FCHO2: variants seen among roughly 807,000 people sequenced by gnomAD.
The protein encoded by FCHO2 is FCH and mu domain containing endocytic adaptor 2, also known as F-BAR domain only protein 2.
Under a neutral mutation model 114.1 loss-of-function variants are expected in FCHO2, and 43 were observed. The observed-to-expected ratio is 0.38, with a 90% CI of 0.30 to 0.49. FCHO2 has a LOEUF of 0.49. FCHO2 is among the 20% of genes least tolerant of loss of function. FCHO2 has a pLI of 0.97. For missense variants in FCHO2, 807 were observed against 950.4 expected, an observed-to-expected ratio of 0.85 and a Z score of 1.98; for synonymous variants, 293 against 315.2, an observed-to-expected ratio of 0.93 and a Z score of 0.75.
intron 18 of FCHO2, among the ~76,000 whole-genome samples, chr5:73,065,178 G>A (rs1758005739): frequency 1.3e-5 from 2 of 151,992 alleles, no homozygotes; most frequent in African/African-American, 4.8e-5. Context: ...GGTACAAGCT[G>A]CCAAGGAGAA....
At chr5:72,977,274 C>G (rs1469536376) in intron 2 of FCHO2, among the ~76,000 whole-genome samples, 1 of 152,186 alleles carries the variant, frequency 6.6e-6, no homozygotes, top group East Asian at 1.9e-4. Context: ...TCTCCACATT[C>G]TCTCCAGCAT....
intron 8 of FCHO2, among the ~76,000 whole-genome samples, chr5:73,028,539 A>G (rs1301756282): frequency 6.6e-6 from 1 of 152,182 alleles, no homozygotes; most frequent in Non-Finnish European, 1.5e-5. Context: ...CTACTCAACA[A>G]TAAAAATTAA....
At chr5:73,063,093 A>C (rs2112862008) in intron 17 of FCHO2, among the ~76,000 whole-genome samples, 1 of 152,090 alleles carries the variant, frequency 6.6e-6, no homozygotes, top group South Asian at 2.1e-4. Flanking sequence ...TCCTTCTTTG[A>C]TTATGCTAAT....
At chr5:73,043,370 A>C (rs1053492102) in intron 11 of FCHO2, among the ~76,000 whole-genome samples, 1 of 152,108 alleles carries the variant, frequency 6.6e-6, no homozygotes, top group African/African-American at 2.4e-5. Flanking sequence ...CTAGGAATTT[A>C]CTGTTACAGT....
At chr5:72,964,356 C>G (rs1046234239) in intron 1 of FCHO2, among the ~76,000 whole-genome samples, 1 of 152,112 alleles carries the variant, frequency 6.6e-6, no homozygotes, top group Non-Finnish European at 1.5e-5. Context: ...TGCATCAAAT[C>G]GTTCTGACTG....
At chr5:73,022,112 G>T (rs1007512553) in intron 8 of FCHO2, among the ~76,000 whole-genome samples, 1 of 152,230 alleles carries the variant, frequency 6.6e-6, no homozygotes, top group Admixed American at 6.5e-5. Flanking sequence ...AATTAGACTA[G>T]AACTAAGTGT....
At chr5:72,993,172 A>G (rs1346131153) in intron 5 of FCHO2, among the ~76,000 whole-genome samples, 3 of 152,108 alleles carry the variant, frequency 2.0e-5, no homozygotes, top group Non-Finnish European at 4.4e-5. Context: ...AAAGAAGATT[A>G]AGAAATTAAA....
chr5:73,037,289 A>G (rs990004860), intron 10 of FCHO2, 74 bp downstream of exon 10: 9 of 1,144,440 alleles, frequency 7.9e-6, no homozygotes, highest in Non-Finnish European at 1.1e-5. Flanking sequence ...TGAATTTGGA[A>G]AGAAAAAAGT....
chr5:73,035,617 C>G (rs1434501651), intron 9 of FCHO2, among the ~76,000 whole-genome samples: 1 of 151,928 alleles, frequency 6.6e-6, no homozygotes, highest in African/African-American at 2.4e-5. Context: ...ATCCTTGCAC[C>G]TCAGCCCCAA....
chr5:72,966,675 A>C (rs759312098), intron 1 of FCHO2, among the ~76,000 whole-genome samples: 2 of 152,254 alleles, frequency 1.3e-5, no homozygotes, highest in Non-Finnish European at 2.9e-5. Context: ...ATCAGGAATC[A>C]CTTCAACATA....
At chr5:73,024,226 AT>A (rs1220388076) in intron 8 of FCHO2, among the ~76,000 whole-genome samples, 1 of 151,946 alleles carries the variant, frequency 6.6e-6, no homozygotes, top group Non-Finnish European at 1.5e-5. Flanking sequence ...CACCCCACTG[AT>A]TTTTAAAAAT....
At chr5:73,032,876 C>T (rs1756308585) in intron 8 of FCHO2, among the ~76,000 whole-genome samples, 1 of 152,052 alleles carries the variant, frequency 6.6e-6, no homozygotes, top group African/African-American at 2.4e-5. Context: ...ATTATATTTT[C>T]TCAAGCTTTA....
At chr5:73,010,532 C>G (rs1376953381) in intron 6 of FCHO2, among the ~76,000 whole-genome samples, 4 of 152,166 alleles carry the variant, frequency 2.6e-5, no homozygotes, top group Admixed American at 6.5e-5. Flanking sequence ...CAGGGATACA[C>G]TTTAAGAAAT....
chr5:73,020,624 G>A (rs1336179400), intron 8 of FCHO2: 4 of 779,384 alleles, frequency 5.1e-6, no homozygotes, highest in Non-Finnish European at 9.1e-6. Flanking sequence ...TGGAGGTGGG[G>A]TTGGTAGAAG....
At chr5:72,974,866 G>A (rs190533048) in intron 2 of FCHO2, among the ~76,000 whole-genome samples, 3 of 152,188 alleles carry the variant, frequency 2.0e-5, no homozygotes, top group Non-Finnish European at 4.4e-5. Flanking sequence ...CATGTTTAGC[G>A]CTTCCTTCGG....
At chr5:72,982,105 G>A (rs570929175) in intron 2 of FCHO2, among the ~76,000 whole-genome samples, 1 of 152,234 alleles carries the variant, frequency 6.6e-6, no homozygotes, top group East Asian at 1.9e-4. Flanking sequence ...GTAGTATCTG[G>A]GCTGGAATGC....
intron 1 of FCHO2, among the ~76,000 whole-genome samples, chr5:72,966,640 A>G (rs1752219892): frequency 6.6e-6 from 1 of 152,248 alleles, no homozygotes; most frequent in African/African-American, 2.4e-5. Flanking sequence ...CAAAGTAATT[A>G]CTAGCTACAT....
In FCHO2 at chr5:73,056,776, A is replaced by T. The variant is rs539408016; in HGVS notation, c.1253+669A>T. Among the ~76,000 whole-genome samples the T allele has an allele frequency of 2.6e-5, 4 of 152,104 alleles. No individual in the cohort carries two copies. The South Asian group carries it at 8.3e-4, about 32-fold the overall frequency. On this transcript the variant is annotated intron_variant, in intron 16 of 25. Transcript: ENST00000430046. Reference sequence around the variant, plus strand: ...ATTTCTTCCTTCAGTTTTGACTGTGACGTTATAAAATAATATACTTCGTAA... The same window carrying T: ...ATTTCTTCCTTCAGTTTTGACTGTGTCGTTATAAAATAATATACTTCGTAA...
At position 73,037,142 on chromosome 5, in the gene FCHO2, G is replaced by C; in HGVS notation, c.842-1G>C. ...TGTAACAATATATATTTATTTTAAA[G>C]GTATAAAACCAAGGAAAAGAAAGAC... On this transcript the variant is annotated splice_acceptor_variant, in intron 9 of 25. Transcript: ENST00000430046. LOFTEE classifies it high-confidence loss of function. The C allele has an allele frequency of 6.5e-7, 1 of 1,537,292 alleles. No individual in the cohort carries two copies. Among genetic ancestry groups the C allele is most frequent in the Non-Finnish European group, 8.8e-7 (1 of 1,133,752 alleles).
Sources: gnomAD v4.1 joint callset for allele counts (sites outside exome capture counted in the v4.1 genomes callset) on GRCh38, gnomAD v4.1.1 for gene constraint, MANE v1.5 for transcripts, NCBI Gene and HGNC (gene_info 2026-07-23, HGNC 2026-07-21) for gene names.